SLC4A10: variants seen among roughly 807,000 people sequenced by gnomAD.
SLC4A10 encodes the protein sodium-driven chloride bicarbonate exchanger.
A neutral mutation model predicts 137.7 loss-of-function variants in SLC4A10; 42 were observed. The observed-to-expected ratio is 0.30, with a 90% confidence interval of 0.24 to 0.39. The LOEUF is 0.39. Among genes scored for constraint, SLC4A10 ranks in the 10% least tolerant of loss-of-function variants. The pLI is 1.00. For missense variants in SLC4A10, 925 were observed against 1,355.0 expected (o/e 0.68, Z 4.98); for synonymous variants, 474 against 464.1 (o/e 1.02, Z -0.27).
chr2:161,653,955 G>A (rs1273223470), intron 1 of SLC4A10, among the ~76,000 whole-genome samples: 5 of 152,104 alleles, frequency 3.3e-5, no homozygotes, highest in Non-Finnish European at 5.9e-5. Flanking sequence ...TTAATTTTTT[G>A]AGGAATCTCT....
chr2:161,747,224 T>C (rs548651884), intron 1 of SLC4A10, among the ~76,000 whole-genome samples: 1 of 152,216 alleles, frequency 6.6e-6, no homozygotes, highest in African/African-American at 2.4e-5. Context: ...CTAGCCAGAA[T>C]TCAGGTTCAG....
At chr2:161,885,797 T>G (rs1276477776) in intron 10 of SLC4A10, among the ~76,000 whole-genome samples, 1 of 152,174 alleles carries the variant, frequency 6.6e-6, no homozygotes, top group Non-Finnish European at 1.5e-5. Flanking sequence ...TATGTGTTAA[T>G]GAATTCATTT....
chr2:161,815,962 C>T (rs967387498), intron 3 of SLC4A10, among the ~76,000 whole-genome samples: 1 of 152,064 alleles, frequency 6.6e-6, no homozygotes, highest in African/African-American at 2.4e-5. Context: ...AAATGTTTGG[C>T]ACTTGGTGGT....
intron 1 of SLC4A10, among the ~76,000 whole-genome samples, chr2:161,731,288 A>G (rs2046797101): frequency 6.6e-6 from 1 of 152,080 alleles, no homozygotes; most frequent in Non-Finnish European, 1.5e-5. Context: ...TTTTTTTATA[A>G]TGCTTGTTAA....
chr2:161,869,938 G>A lies in SLC4A10; in HGVS notation c.767-2355G>A, dbSNP rs571996366. Reference sequence around the variant, plus strand: ...TTCTATACACATACCTAGAATCTAGGACTAGCAAGAAGTTTACTGTCATCT... The same window carrying A: ...TTCTATACACATACCTAGAATCTAGAACTAGCAAGAAGTTTACTGTCATCT... On this transcript the variant is annotated intron_variant, in intron 6 of 26. Transcript: ENST00000446997. Among the ~76,000 whole-genome samples the A allele has an allele frequency of 2.5e-4, 38 of 151,350 alleles. No individual in the cohort carries two copies. In the South Asian group the frequency reaches 2.7e-3, roughly 11 times the overall value.
chr2:161,881,560 T>C (rs543916434), intron 9 of SLC4A10, among the ~76,000 whole-genome samples: 1 of 152,184 alleles, frequency 6.6e-6, no homozygotes, highest in African/African-American at 2.4e-5. Context: ...TCTTCATACT[T>C]AACAGCATAA....
intron 1 of SLC4A10, among the ~76,000 whole-genome samples, chr2:161,635,004 TTATTTC>T (rs2105437046): frequency 6.6e-6 from 1 of 152,142 alleles, no homozygotes; most frequent in Admixed American, 6.6e-5. Flanking sequence ...AATATAAACT[TTATTTC>T]TGATTATAAG....
chr2:161,871,400 GAA>G (rs36048466), intron 6 of SLC4A10, among the ~76,000 whole-genome samples: 178 of 151,264 alleles, frequency 1.2e-3, no homozygotes, highest in African/African-American at 4.0e-3. Context: ...TCATTTCACA[GAA>G]AAAAAAAAGA....
At chr2:161,888,232 C>G (rs1167841505) in intron 10 of SLC4A10, among the ~76,000 whole-genome samples, 2 of 152,134 alleles carry the variant, frequency 1.3e-5, no homozygotes, top group African/African-American at 4.8e-5. Flanking sequence ...AGTGTGATGC[C>G]TCCAGCTTTG....
At chr2:161,627,586 C>T (rs2032671002) in intron 1 of SLC4A10, among the ~76,000 whole-genome samples, 1 of 152,090 alleles carries the variant, frequency 6.6e-6, no homozygotes. Context: ...ATATAAAGTA[C>T]ATTTGAAGGA....
chr2:161,933,232 TTTC>T (rs1410929131), intron 15 of SLC4A10, among the ~76,000 whole-genome samples: 1 of 147,180 alleles, frequency 6.8e-6, no homozygotes, highest in Non-Finnish European at 1.5e-5. Context: ...TCTTTCTTTC[TTTC>T]TTTCTTTCTT....
intron 15 of SLC4A10, among the ~76,000 whole-genome samples, chr2:161,908,436 T>G (rs1383185142): frequency 1.8e-5 from 1 of 56,910 alleles, no homozygotes; most frequent in African/African-American, 7.4e-5. Context: ...GGGACTGTTG[T>G]GGGGTGGGGG....
chr2:161,981,634 C>T (rs967924289), intron 26 of SLC4A10, among the ~76,000 whole-genome samples: 2 of 152,162 alleles, frequency 1.3e-5, no homozygotes, highest in African/African-American at 4.8e-5. Context: ...AGCAGGAGAG[C>T]ATACACTTGT....
chr2:161,767,096 TA>T (rs2050900691), intron 1 of SLC4A10, among the ~76,000 whole-genome samples: 1 of 8,386 alleles, frequency 1.2e-4, no homozygotes, highest in Non-Finnish European at 1.8e-4. Flanking sequence ...TTAAGAAGCA[TA>T]TATATATATA....
chr2:161,830,176 A>G (rs1575167751), intron 3 of SLC4A10, among the ~76,000 whole-genome samples: 1 of 151,462 alleles, frequency 6.6e-6, no homozygotes, highest in African/African-American at 2.4e-5. Context: ...AAAAAAAAAA[A>G]ATAACAACAA....
intron 15 of SLC4A10, among the ~76,000 whole-genome samples, chr2:161,923,395 C>T (rs1187793231): frequency 1.3e-5 from 2 of 152,058 alleles, no homozygotes; most frequent in African/African-American, 2.4e-5. Flanking sequence ...AGTCTATGAG[C>T]TTGTGATAGT....
At chr2:161,744,440 A>G (rs1230162328) in intron 1 of SLC4A10, among the ~76,000 whole-genome samples, 1 of 152,176 alleles carries the variant, frequency 6.6e-6, no homozygotes, top group African/African-American at 2.4e-5. Flanking sequence ...ACATTGATCA[A>G]TTTGCATTTG....
chr2:161,873,873 G>A (rs768405766), intron 7 of SLC4A10, 43 bp from the exon 8 acceptor site: 3 of 1,560,484 alleles, frequency 1.9e-6, no homozygotes, highest in African/African-American at 1.4e-5. Flanking sequence ...AGTCTCCGTG[G>A]GAGCATGGTG....
intron 16 of SLC4A10, among the ~76,000 whole-genome samples, chr2:161,943,222 A>G (rs1471449145): frequency 6.6e-6 from 1 of 152,072 alleles, no homozygotes; most frequent in East Asian, 1.9e-4. Context: ...CTTCTGTGTA[A>G]AGAACTCAGA....
Sources: allele counts gnomAD v4.1 joint callset (sites outside exome capture counted in the v4.1 genomes callset), GRCh38; gene constraint gnomAD v4.1.1; transcripts MANE v1.5; gene names NCBI Gene and HGNC (gene_info 2026-07-23, HGNC 2026-07-21).